Variants in NR4A1 observed in about 807,000 individuals in gnomAD.
NR4A1 encodes nuclear receptor subfamily 4immunitygroup A member 1.
In NR4A1, 24 loss-of-function variants were observed where a neutral mutation model predicts 47.5. That is an observed-to-expected ratio of 0.50 (90% CI 0.37 to 0.71). The LOEUF (loss-of-function observed/expected upper bound fraction) is 0.71, where lower values mean the gene tolerates loss of function less well. Among genes scored for constraint, NR4A1 ranks in the 30% least tolerant of loss-of-function variants. NR4A1 has a pLI of 0.00. For missense variants in NR4A1, 669 were observed against 788.6 expected (o/e 0.85, Z 1.82); for synonymous variants, 353 against 345.7 (o/e 1.02, Z -0.24).
In NR4A1 at chr12:52,058,979, C is replaced by G. The variant is rs752914743; in HGVS notation, c.*35C>G. 3 of 1,581,000 alleles carry G rather than the reference C, an allele frequency of 1.9e-6. No homozygotes were observed. Among genetic ancestry groups the G allele is most frequent in the Non-Finnish European group, 2.6e-6 (3 of 1,157,298 alleles). ...GGGAACACGTGTGCACATGCGCACT[C>G]TCATATGCCACCCCATGTGCCTTTA... On this transcript the variant is annotated 3_prime_UTR_variant, in exon 7 of 7. Coordinates refer to ENST00000394825, the MANE Select transcript of NR4A1 (RefSeq NM_173157.3).
chr12:52,037,897 C>G (rs976868015), intron 1 of NR4A1: 12 of 972,938 alleles, frequency 1.2e-5, no homozygotes, highest in Non-Finnish European at 1.3e-5. Flanking sequence ...TTGTGTCTCC[C>G]AGGCGTGTTT....
chr12:52,051,639 G>A (rs1214065203), intron 1 of NR4A1, 71 bp downstream of exon 1: 2 of 951,378 alleles, frequency 2.1e-6, no homozygotes, highest in Non-Finnish European at 2.5e-6. Flanking sequence ...GTACGCGCGG[G>A]CAGAGAGGAT....
At chr12:52,033,907 C>T (rs1938184386) in intron 1 of NR4A1, among the ~76,000 whole-genome samples, 2 of 152,188 alleles carry the variant, frequency 1.3e-5, no homozygotes, top group Admixed American at 1.3e-4. Flanking sequence ...GCCCAAATGC[C>T]CTAGGGAACC....
chr12:52,041,835 C>T (rs1938450520), exon 2 of NR4A1: 4 of 1,496,952 alleles, frequency 2.7e-6, no homozygotes, highest in African/African-American at 2.8e-5. Flanking sequence ...AGAGGCCAGG[C>T]CCTGCCCCTC....
intron 2 of NR4A1, among the ~76,000 whole-genome samples, chr12:52,042,457 G>A (rs1237064027): frequency 8.5e-5 from 13 of 152,146 alleles, no homozygotes; most frequent in Admixed American, 8.5e-4. Context: ...TGTGGTGTCG[G>A]GGGTGGCCTC....
rs916831233 is a variant in NR4A1, at chr12:52,026,738, T to G, written c.-84+3799T>G. 5.3e-5 allele frequency among the ~76,000 whole-genome samples: 8 copies of G among 152,138 alleles called. No homozygotes were observed. The East Asian group carries it at 1.5e-3, about 29-fold the overall frequency. On this transcript the variant is annotated intron_variant, in intron 1 of 7. Transcript: ENST00000360284. ...AAACAAGCAACTGAGGCTTAGCAGA[T>G]GTACAAAGCCCGCCTAAAGCCACAC...
rs114925024 is a variant in NR4A1 at position 52,043,758 on chromosome 12, G to A, written c.37+1829G>A. 2,468 of 1,286,452 alleles carry A rather than the reference G, an allele frequency of 1.9e-3. 41 individuals are homozygous for A. The African/African-American group carries it at 0.033, about 17-fold the overall frequency. The allele number at this position is 1,286,452 out of a possible 1,614,324, so 79.7% of individuals were successfully genotyped here. A position where few individuals can be genotyped will look rare whatever the true frequency, so the allele number is the denominator to read the frequency against. On this transcript the variant is annotated intron_variant, in intron 2 of 7. Coordinates refer to the NR4A1 transcript ENST00000360284. ...GCTCGCTCAGCTGCTGCCCAGCCTC[G>A]GCTGTGAGGATAGGCTGGCTGGGCA...
rs758858734 is a variant in NR4A1, at chr12:52,055,280, C to T, written c.876+76C>T. 8.3e-6 allele frequency: 13 copies of T among 1,570,500 alleles called. No individual in the cohort carries two copies. The South Asian group carries it at 1.2e-4, about 15-fold the overall frequency. ...GCCTCATCCCATTGGGACCTGTGGT[C>T]TCCCCCTGGGTTCTCCTCCTAGCTA... On this transcript the variant is annotated intron_variant, in intron 2 of 6. Transcript: ENST00000394825.
chr12:52,048,037 C>G (rs1366495453), upstream of NR4A1, among the ~76,000 whole-genome samples: 1 of 151,632 alleles, frequency 6.6e-6, no homozygotes, highest in Admixed American at 6.6e-5. Context: ...ACCTGTCGTC[C>G]CAGCTACTCA....
At position 52,054,549 on chromosome 12, in the gene NR4A1, C is replaced by T. The variant is rs75476334; in HGVS notation, c.221C>T (p.Thr74Ile). ...FDTFLYQLPG[T>I]VQPCSSASSS... is the part of the protein sequence containing the mutation. ...ACCTTCCTCTACCAGCTGCCAGGAA[C>T]AGTCCAGCCATGCTCCTCAGCCTCC... Residue 74 changes from threonine to isoleucine, a missense_variant, in exon 2 of 7, where the codon ACA becomes ATA. Coordinates refer to ENST00000394825, the MANE Select transcript of NR4A1 (RefSeq NM_173157.3). 6.2e-7 allele frequency: 1 copy of T among 1,614,096 alleles called. No homozygotes were observed. The highest frequency in any genetic ancestry group is 8.5e-7 in the Non-Finnish European group (1 of 1,179,980).
At chr12:52,033,408 A>G (rs1938172804) in intron 1 of NR4A1, among the ~76,000 whole-genome samples, 1 of 152,248 alleles carries the variant, frequency 6.6e-6, no homozygotes, top group African/African-American at 2.4e-5. Context: ...AAACGCTCAC[A>G]TTTGTTTACC....
At chr12:52,026,345 G>A (rs554929439) in intron 1 of NR4A1, among the ~76,000 whole-genome samples, 66 of 152,340 alleles carry the variant, frequency 4.3e-4, no homozygotes, top group Middle Eastern at 3.4e-3. Flanking sequence ...GACAGTGAAG[G>A]AGAACGAAGA....
chr12:52,051,347 T>A (rs1938926403), upstream of NR4A1: 1 of 980,900 alleles, frequency 1.0e-6, no homozygotes, highest in African/African-American at 1.7e-5. Flanking sequence ...CGCCCTTGTA[T>A]GGCCAAAGCT....
chr12:52,056,845 C>T (rs367780041), intron 4 of NR4A1, 200 bp downstream of exon 4: 18 of 804,364 alleles, frequency 2.2e-5, no homozygotes, highest in Non-Finnish European at 3.2e-5. Flanking sequence ...GAAAATGCAC[C>T]CCCTCAGGCA....
intron 1 of NR4A1, among the ~76,000 whole-genome samples, chr12:52,032,237 T>C (rs192630449): frequency 3.3e-5 from 5 of 152,360 alleles, no homozygotes; most frequent in Admixed American, 2.0e-4. Context: ...CCCTCACCGC[T>C]ATGGGCAGGC....
At chr12:52,051,091 C>T (rs1938902122), upstream of NR4A1, among the ~76,000 whole-genome samples, 2 of 152,184 alleles carry the variant, frequency 1.3e-5, no homozygotes, top group East Asian at 1.9e-4. Flanking sequence ...GACCTGGGGG[C>T]CCCCAGCTGG....
At chr12:52,052,471 C>G in intron 1 of NR4A1, 1 of 985,556 alleles carries the variant, frequency 1.0e-6, no homozygotes, top group Non-Finnish European at 1.2e-6. Context: ...CCCCCTCCCC[C>G]AGTAGTCTCT....
chr12:52,058,436 C>A, intron 6 of NR4A1: 1 of 513,096 alleles, frequency 1.9e-6, no homozygotes, highest in Non-Finnish European at 3.4e-6. Flanking sequence ...TTTTATTTCC[C>A]GTTTGTGACC....
rs1565652473 is a variant in NR4A1, at chr12:52,055,048, T to A, written c.720T>A (p.Leu240=). The A allele has an allele frequency of 1.9e-6, 3 of 1,614,234 alleles. No homozygotes were observed. The highest frequency in any genetic ancestry group is 1.7e-6 in the Non-Finnish European group (2 of 1,180,030). Residue 240 remains leucine, a synonymous_variant, in exon 2 of 7, where the codon CTT becomes CTA. Transcript: ENST00000394825. The part of the protein sequence containing the change: ...FPGLAPTSPH[L]EGSGILDTPV... ...GTTTGGCACCCACTTCTCCACACCTTGAGGGCTCGGGGATACTGGATACAC... is the reference window on the plus strand; with the variant it reads ...GTTTGGCACCCACTTCTCCACACCTAGAGGGCTCGGGGATACTGGATACAC...
Sources: allele counts gnomAD v4.1 joint callset (sites outside exome capture counted in the v4.1 genomes callset), GRCh38; gene constraint gnomAD v4.1.1; transcripts MANE v1.5; gene names NCBI Gene and HGNC (gene_info 2026-07-23, HGNC 2026-07-21).